The following GGT1 variants were observed in gnomAD, a reference collection of about 807,000 sequenced individuals.
GGT1 encodes the protein glutathione hydrolase 1 proenzyme.
GGT1 carries 21 observed loss-of-function variants against 56.0 expected under a neutral mutation model. That is an observed-to-expected ratio of 0.38 (90% CI 0.27 to 0.54). GGT1 has a LOEUF of 0.54. Among genes scored for constraint, GGT1 ranks in the 20% least tolerant of loss-of-function variants. The pLI, the probability that GGT1 is intolerant of heterozygous loss-of-function variation, is 0.82. For synonymous variants in GGT1, 238 were observed against 342.6 expected (o/e 0.69, Z 3.37); for missense variants, 466 against 787.0 (o/e 0.59, Z 4.88).
the GGT1 span, among the ~76,000 whole-genome samples, chr22:24,586,721 G>T: frequency 6.6e-6 from 1 of 152,204 alleles, no homozygotes; most frequent in East Asian, 1.9e-4. Flanking sequence ...AGTAGAGGCG[G>T]GGTTTCTCCA....
At chr22:24,614,989 G>A (rs1404373551) in intron 6 of GGT1, 52 bp from the exon 7 acceptor site, 8 of 1,555,998 alleles carry the variant, frequency 5.1e-6, no homozygotes, top group African/African-American at 4.1e-5. Context: ...CCAGGCTCAC[G>A]TGGCATAAAG....
intron 11 of GGT1, among the ~76,000 whole-genome samples, chr22:24,626,805 T>C (rs187609090): frequency 1.3e-5 from 2 of 151,406 alleles, no homozygotes; most frequent in East Asian, 1.9e-4. Context: ...CCAGTTGTTA[T>C]GGGACCTAGG....
At chr22:24,584,685 C>A in the GGT1 span, among the ~76,000 whole-genome samples, 5 of 152,074 alleles carry the variant, frequency 3.3e-5, no homozygotes, top group African/African-American at 7.2e-5. Context: ...TTGGAGCCCC[C>A]CTCTGCTGCT....
intron 11 of GGT1, 150 bp downstream of exon 11, chr22:24,624,066 A>G: frequency 2.2e-5 from 33 of 1,498,696 alleles, no homozygotes; most frequent in Non-Finnish European, 2.9e-5. Flanking sequence ...GCTCGGATGG[A>G]CTCGTGGGTG....
intron 11 of GGT1, among the ~76,000 whole-genome samples, chr22:24,626,271 C>T (rs965163221): frequency 2.0e-5 from 3 of 147,476 alleles, no homozygotes; most frequent in Non-Finnish European, 3.0e-5. Context: ...GCCTCGGCCT[C>T]CCAAAGTGCT....
chr22:24,603,067 A>T (rs982975337), upstream of GGT1: 1 of 152,370 alleles, frequency 6.6e-6, no homozygotes, highest in African/African-American at 2.4e-5. Flanking sequence ...GGATGGGACC[A>T]GGAGCCAGCC....
the GGT1 span, among the ~76,000 whole-genome samples, chr22:24,584,585 A>ACAGTCCC: frequency 7.2e-5 from 11 of 152,288 alleles, no homozygotes; most frequent in Admixed American, 6.5e-4. Flanking sequence ...TGCGCCGCTT[A>ACAGTCCC]CAGTCCCTGT....
At chr22:24,589,842 C>G (rs1386311452), upstream of GGT1, 2 of 1,613,562 alleles carry the variant, frequency 1.2e-6, no homozygotes, top group Non-Finnish European at 8.5e-7. Flanking sequence ...ACTGCAGGTC[C>G]CGGGCCAGGT....
chr22:24,588,484 C>T, the GGT1 span: 1 of 766,096 alleles, frequency 1.3e-6, no homozygotes, highest in Non-Finnish European at 2.1e-6. Flanking sequence ...CTCCTACCCC[C>T]CAACCCGGCT....
rs2047334027 is a variant in GGT1, at chr22:24,620,199, A to T, written c.383-129A>T. 1 of 1,221,502 alleles carries T rather than the reference A, an allele frequency of 8.2e-7. No homozygotes were observed. Among genetic ancestry groups the T allele is most frequent in the Admixed American group, 3.1e-5 (1 of 32,178 alleles). 75.7% of individuals were successfully genotyped at this position (1,221,502 alleles called of 1,614,324 possible). On this transcript the variant is annotated intron_variant, in intron 7 of 15. Coordinates refer to ENST00000400382, the MANE Select transcript of GGT1 (RefSeq NM_001288833.2). The surrounding 1 kb of genome is among the most constrained non-coding windows in gnomAD (Gnocchi z 5.6). Reference sequence around the variant, plus strand: ...GACCCCAACTCAAAAAAGAAAAAAAAAAAATCTTTCCTCCTAAGCCTCATT... The same window carrying T: ...GACCCCAACTCAAAAAAGAAAAAAATAAAATCTTTCCTCCTAAGCCTCATT...
chr22:24,597,634 T>G lies in GGT1; in HGVS notation c.-324+2748T>G, dbSNP rs1381780793. Among the ~76,000 whole-genome samples the G allele has an allele frequency of 4.6e-5, 7 of 151,740 alleles. No homozygotes were observed. In the East Asian group the frequency reaches 1.4e-3, roughly 29 times the overall value. ...AGGCGGAGGTTTCAGTGAGCCGAGA[T>G]AGCACCACGGCATTCCAGCCTGGGT... On this transcript the variant is annotated intron_variant, in intron 1 of 6. Transcript: ENST00000411974.
intron 11 of GGT1, among the ~76,000 whole-genome samples, chr22:24,625,272 TTGTTTTTGTTG>T (rs1398178697): frequency 1.1e-4 from 17 of 152,138 alleles, no homozygotes; most frequent in African/African-American, 4.1e-4. Context: ...CTTGGCTGTT[TTGTTTTTGTTG>T]TGTTTTTGTT....
At chr22:24,589,413 C>G in the GGT1 span, 9 of 1,040,060 alleles carry the variant, frequency 8.7e-6, no homozygotes, top group South Asian at 2.6e-5. Context: ...GACGGGGGCT[C>G]TAGCCGAGAG....
chr22:24,618,340 C>G (rs1306893402), intron 7 of GGT1, among the ~76,000 whole-genome samples: 2 of 152,210 alleles, frequency 1.3e-5, no homozygotes, highest in African/African-American at 4.8e-5. Context: ...CCTGTCATCC[C>G]AGCACCTTGG....
the GGT1 span, chr22:24,583,847 G>A: frequency 6.4e-6 from 3 of 467,274 alleles, no homozygotes; most frequent in Admixed American, 2.4e-5. Context: ...TTTGTGGGCT[G>A]GCTTAGGGCC....
In GGT1 at chr22:24,616,275, G is replaced by A. The variant is rs537274883; in HGVS notation, c.382+1148G>A. Reference sequence around the variant, plus strand: ...CTAAAAGTACAATAATTAGTCAGGCGTGGTGGCACAGGCCTGTAATCCCAG... The same window carrying A: ...CTAAAAGTACAATAATTAGTCAGGCATGGTGGCACAGGCCTGTAATCCCAG... On this transcript the variant is annotated intron_variant, in intron 7 of 15. Transcript: ENST00000400382. Among the ~76,000 whole-genome samples the A allele has an allele frequency of 7.0e-4, 107 of 151,934 alleles. 1 individual carries two copies. The South Asian group carries it at 0.021, about 30-fold the overall frequency.
At chr22:24,592,884 C>A, upstream of GGT1, 1 of 1,282,310 alleles carries the variant, frequency 7.8e-7, no homozygotes, top group Non-Finnish European at 9.9e-7. Flanking sequence ...GGCGCAGCAG[C>A]TGCCGGGCGC....
At chr22:24,617,039 T>G (rs372672533) in intron 7 of GGT1, among the ~76,000 whole-genome samples, 1 of 152,126 alleles carries the variant, frequency 6.6e-6, no homozygotes, top group Admixed American at 6.6e-5. Flanking sequence ...AAAACAAAGA[T>G]GGCAGATGAA....
rs577046125 is a variant in GGT1, at chr22:24,621,453, C to T, written c.733+383C>T. The stretch of plus-strand genomic sequence containing the variant: ...AGCTGGGCTAAGGCCCAGTAGAGGG[C>T]GCTTTGATTCACCAAGAGGGTTACA... On this transcript the variant is annotated intron_variant, in intron 9 of 15. Coordinates refer to ENST00000400382, the MANE Select transcript of GGT1 (RefSeq NM_001288833.2). 4.4e-4 allele frequency among the ~76,000 whole-genome samples: 67 copies of T among 151,382 alleles called. 1 individual carries two copies. The South Asian group carries it at 0.014, about 31-fold the overall frequency.
Sources: gnomAD v4.1 joint callset for allele counts (sites outside exome capture counted in the v4.1 genomes callset) on GRCh38, gnomAD v4.1.1 for gene constraint, Gnocchi (gnomAD v3.1) non-coding constraint, MANE v1.5 for transcripts, NCBI Gene and HGNC (gene_info 2026-07-23, HGNC 2026-07-21) for gene names.